STAT5B: variants seen among roughly 807,000 people sequenced by gnomAD.
The protein encoded by STAT5B is signal transducer and activator of transcription 5B, also known as transcription factor STAT5B.
In STAT5B, 21 loss-of-function variants were observed where a neutral mutation model predicts 107.8. The ratio of observed to expected loss-of-function variants is 0.19; its 90% CI spans 0.14 to 0.28. STAT5B has a LOEUF of 0.28. Among genes scored for constraint, STAT5B ranks in the 10% least tolerant of loss-of-function variants. STAT5B has a pLI of 1.00. For synonymous variants in STAT5B, 325 were observed against 401.7 expected, an observed-to-expected ratio of 0.81 and a Z score of 2.28; for missense variants, 565 against 1,008.2, an observed-to-expected ratio of 0.56 and a Z score of 5.95.
At chr17:42,266,538 T>C in intron 1 of STAT5B, among the ~76,000 whole-genome samples, 1 of 147,506 alleles carries the variant, frequency 6.8e-6, no homozygotes, top group Non-Finnish European at 1.5e-5. Context: ...AGACACTGTC[T>C]CAAAAAATAA....
chr17:42,229,285 A>G (rs887853417), intron 2 of STAT5B, among the ~76,000 whole-genome samples: 2 of 151,692 alleles, frequency 1.3e-5, no homozygotes, highest in African/African-American at 4.8e-5. Context: ...AAGTAGCTGG[A>G]ATTACAGGCG....
chr17:42,262,044 G>C (rs1353200170), intron 1 of STAT5B, among the ~76,000 whole-genome samples: 1 of 152,108 alleles, frequency 6.6e-6, no homozygotes, highest in African/African-American at 2.4e-5. Context: ...AAATAAGTAA[G>C]TCTACTGGGC....
chr17:42,278,839 CGTGG>C (rs1386275142), upstream of STAT5B, among the ~76,000 whole-genome samples: 2 of 151,630 alleles, frequency 1.3e-5, no homozygotes, highest in African/African-American at 4.8e-5. Flanking sequence ...ATTAGCTGGA[CGTGG>C]TGGTGCGCGC....
intron 1 of STAT5B, among the ~76,000 whole-genome samples, chr17:42,256,092 T>C (rs1401012448): frequency 2.0e-5 from 3 of 152,090 alleles, no homozygotes; most frequent in Admixed American, 2.0e-4. Context: ...AGGTTAAAAA[T>C]GGTAAATTTT....
At chr17:42,265,321 G>A (rs2080658561) in intron 1 of STAT5B, among the ~76,000 whole-genome samples, 1 of 150,994 alleles carries the variant, frequency 6.6e-6, no homozygotes, top group Non-Finnish European at 1.5e-5. Flanking sequence ...TATTTCAGAT[G>A]TCCTAGAATG....
At chr17:42,230,998 A>C (rs553352658) in intron 2 of STAT5B, among the ~76,000 whole-genome samples, 86 of 152,262 alleles carry the variant, frequency 5.6e-4, no homozygotes, top group South Asian at 2.1e-3. Flanking sequence ...TATATAAAAT[A>C]CATATAAATT....
intron 1 of STAT5B, 22 bp from the exon 2 acceptor site, chr17:42,232,159 C>T (rs777673367): frequency 5.6e-6 from 9 of 1,608,738 alleles, no homozygotes; most frequent in Non-Finnish European, 7.6e-6. Flanking sequence ...ACAATCAGTG[C>T]TTTGGGCGTT....
chr17:42,206,878 CTT>C (rs78288666), intron 16 of STAT5B, among the ~76,000 whole-genome samples: 37 of 132,482 alleles, frequency 2.8e-4, no homozygotes, highest in East Asian at 6.7e-4. Flanking sequence ...CCCGACCTTC[CTT>C]TTTTTTTTTT....
intron 15 of STAT5B, 112 bp from the exon 16 acceptor site, chr17:42,207,840 A>T (rs533285798): frequency 1.4e-5 from 15 of 1,059,894 alleles, no homozygotes; most frequent in Admixed American, 1.2e-4. Context: ...CTCCAATAGA[A>T]ATCTCCATTT....
At chr17:42,212,991 G>T (rs1401561923) in intron 12 of STAT5B, among the ~76,000 whole-genome samples, 1 of 152,106 alleles carries the variant, frequency 6.6e-6, no homozygotes, top group Non-Finnish European at 1.5e-5. Context: ...CTTCACAAAT[G>T]ACAGCACAAA....
At chr17:42,269,022 C>T (rs1444409872) in intron 1 of STAT5B, among the ~76,000 whole-genome samples, 1 of 151,862 alleles carries the variant, frequency 6.6e-6, no homozygotes, top group African/African-American at 2.4e-5. Context: ...TTTTAAAATC[C>T]CACTCCTTCA....
intron 1 of STAT5B, among the ~76,000 whole-genome samples, chr17:42,236,955 C>T (rs1439527782): frequency 2.6e-5 from 4 of 152,166 alleles, no homozygotes; most frequent in Non-Finnish European, 5.9e-5. Context: ...AATTTCAGTG[C>T]GTGATGCTCA....
At chr17:42,246,740 T>A (rs2080454868) in intron 1 of STAT5B, among the ~76,000 whole-genome samples, 1 of 152,176 alleles carries the variant, frequency 6.6e-6, no homozygotes, top group South Asian at 2.1e-4. Flanking sequence ...TGAGCTATGA[T>A]CACGCCGCTA....
chr17:42,206,379 C>T (rs1376050309), intron 16 of STAT5B, among the ~76,000 whole-genome samples: 1 of 152,060 alleles, frequency 6.6e-6, no homozygotes, highest in Non-Finnish European at 1.5e-5. Context: ...CATGAGCCAC[C>T]GCGCCCGGCC....
rs760154055 is a variant in STAT5B, at chr17:42,201,768, G to A, written c.2334C>T (p.Asp778=). Residue 778 remains aspartate, a synonymous_variant, in exon 19 of 19, where the codon GAC becomes GAT. Transcript: ENST00000293328. The part of the protein sequence containing the change: ...RVEELLGRPM[D]SQWIPHAQS ...ATTGTGCGTGCGGGATCCACTGACT[G>A]TCCATTGGCCGGCCCAGGAGCTCCT... is the stretch of plus-strand genomic sequence containing the variant. The A allele has an allele frequency of 2.6e-5, 42 of 1,613,884 alleles. No individual in the cohort carries two copies. In the Middle Eastern group the frequency reaches 8.2e-4, roughly 32 times the overall value.
intron 15 of STAT5B, among the ~76,000 whole-genome samples, chr17:42,208,653 C>T (rs1263289085): frequency 6.6e-6 from 1 of 152,080 alleles, no homozygotes; most frequent in East Asian, 1.9e-4. Flanking sequence ...GCCCCCAATC[C>T]CTGATTTCCC....
chr17:42,247,514 T>C (rs149524624), intron 1 of STAT5B, among the ~76,000 whole-genome samples: 38 of 152,358 alleles, frequency 2.5e-4, no homozygotes, highest in African/African-American at 9.1e-4. Flanking sequence ...GTTAGTTCCC[T>C]TGTTTGCTTA....
At chr17:42,263,677 C>T (rs543788262) in intron 1 of STAT5B, among the ~76,000 whole-genome samples, 66 of 152,182 alleles carry the variant, frequency 4.3e-4, no homozygotes, top group Non-Finnish European at 7.9e-4. Context: ...CAGGCATGTG[C>T]CACCAGGCCC....
At chr17:42,243,824 G>A (rs2080425911) in intron 1 of STAT5B, among the ~76,000 whole-genome samples, 1 of 152,122 alleles carries the variant, frequency 6.6e-6, no homozygotes, top group Admixed American at 6.5e-5. Context: ...GCAGCTTGCA[G>A]GCCACCAGCA....
Sources: allele counts gnomAD v4.1 joint callset (sites outside exome capture counted in the v4.1 genomes callset), GRCh38; gene constraint gnomAD v4.1.1; transcripts MANE v1.5; gene names NCBI Gene and HGNC (gene_info 2026-07-23, HGNC 2026-07-21).